ZC3H10: variants seen among roughly 807,000 people sequenced by gnomAD.
ZC3H10 encodes the protein zinc finger CCCH-type containing 10, also known as zinc finger CCCH domain-containing protein 10.
Under a neutral mutation model 24.3 loss-of-function variants are expected in ZC3H10, and 12 were observed. The observed-to-expected ratio is 0.49, with a 90% CI of 0.32 to 0.80. The LOEUF (loss-of-function observed/expected upper bound fraction) is 0.80. Among genes scored for constraint, ZC3H10 ranks in the 30% least tolerant of loss-of-function variants. The pLI, the probability that ZC3H10 is intolerant of heterozygous loss-of-function variation, is 0.04. For missense variants in ZC3H10, 360 were observed against 576.3 expected, an observed-to-expected ratio of 0.62 and a Z score of 3.84; for synonymous variants, 226 against 217.0, an observed-to-expected ratio of 1.04 and a Z score of -0.36.
At chr12:56,118,790 C>T (rs958492760) in intron 1 of ZC3H10, 7 of 152,230 alleles carry the variant, frequency 4.6e-5, no homozygotes, top group South Asian at 2.1e-4. Context: ...CCATTACTAA[C>T]TCCAGCCCTT....
rs1481250880 is a variant in ZC3H10, at chr12:56,126,574, A to G, written c.*4707A>G. On this transcript the variant is annotated 3_prime_UTR_variant, in exon 3 of 3. Coordinates refer to ENST00000257940, the MANE Select transcript of ZC3H10 (RefSeq NM_032786.3). ...CATAGGTCACCCTCTCCATTCCCCC[A>G]TTCTCAGGAACCTCCTTGCCTACTC... is the stretch of plus-strand genomic sequence containing the variant. 6.6e-6 allele frequency: 1 copy of G among 152,092 alleles called. No homozygotes were observed. The highest frequency in any genetic ancestry group is 1.9e-4 in the East Asian group (1 of 5,186). The allele number at this position is 152,092 out of a possible 1,614,324, so 9.4% of individuals were successfully genotyped here.
rs1045354105 is a variant in ZC3H10 at position 56,124,955 on chromosome 12, G to C, written c.*3088G>C. The C allele has an allele frequency of 6.6e-6, 1 of 152,134 alleles. No individual in the cohort carries two copies. Among genetic ancestry groups the C allele is most frequent in the Non-Finnish European group, 1.5e-5 (1 of 68,022 alleles). The allele number at this position is 152,134 out of a possible 1,614,324, so 9.4% of individuals were successfully genotyped here. On this transcript the variant is annotated 3_prime_UTR_variant, in exon 3 of 3. Transcript: ENST00000257940. ...TTTATTAAGAGCCTGCTATGTTCTA[G>C]GCATCTTTCTAGGAGCTCCATAAGG...
rs1870034108 is a variant in ZC3H10 at position 56,127,488 on chromosome 12, A to G, written c.*5621A>G. 6.6e-6 allele frequency: 1 copy of G among 152,194 alleles called. No individual in the cohort carries two copies. The highest frequency in any genetic ancestry group is 1.5e-5 in the Non-Finnish European group (1 of 68,040). The allele number at this position is 152,194 out of a possible 1,614,324, so 9.4% of individuals were successfully genotyped here. Reference sequence around the variant, plus strand: ...TTACTAACTCTTGGAAATTTCCAAAAAGAAATAAAGCCTCACTTTCTATTC... The same window carrying G: ...TTACTAACTCTTGGAAATTTCCAAAGAGAAATAAAGCCTCACTTTCTATTC... On this transcript the variant is annotated 3_prime_UTR_variant, in exon 3 of 3. Coordinates refer to ENST00000257940, the MANE Select transcript of ZC3H10 (RefSeq NM_032786.3).
Position 56,121,224 on chromosome 12 carries a change from A to G in ZC3H10, c.662A>G (p.His221Arg). The G allele has an allele frequency of 6.2e-7, 1 of 1,613,722 alleles. No individual in the cohort carries two copies. Residue 221 changes from histidine to arginine, a missense_variant, in exon 3 of 3, where the codon CAT becomes CGT. This residue lies in a region of ZC3H10 where 101 missense variants were observed against 110.8 expected (regional missense o/e 0.91). Coordinates refer to ENST00000257940, the MANE Select transcript of ZC3H10 (RefSeq NM_032786.3). This position sits in a 1 kb window ranked among gnomAD's most constrained non-coding sequence, Gnocchi z 6.2. ...GGATGCTGCCCCCCTGATGGCCCTC[A>G]TTTTGAGTCATATGAATATAGTTTG... ...RGGCCPPDGP[H>R]FESYEYSLAP...
rs1266907767 is a variant in ZC3H10, at chr12:56,123,466, G to C, written c.*1599G>C. The C allele has an allele frequency of 6.8e-6, 1 of 147,900 alleles. No homozygotes were observed. The highest frequency in any genetic ancestry group is 2.5e-5 in the African/African-American group (1 of 39,842). 9.2% of individuals were successfully genotyped at this position (147,900 alleles called of 1,614,324 possible). A position where few individuals can be genotyped will look rare whatever the true frequency, so the allele number is the denominator to read the frequency against. On this transcript the variant is annotated 3_prime_UTR_variant, in exon 3 of 3. Coordinates refer to ENST00000257940, the MANE Select transcript of ZC3H10 (RefSeq NM_032786.3). Reference sequence around the variant, plus strand: ...GAGATGGAGTCTTGCCCAGTCACCAGACCGGAGTGCAGTGGCGCAATCTCG... The same window carrying C: ...GAGATGGAGTCTTGCCCAGTCACCACACCGGAGTGCAGTGGCGCAATCTCG...
rs1870029399 is a variant in ZC3H10 at position 56,127,351 on chromosome 12, T to G, written c.*5484T>G. On this transcript the variant is annotated 3_prime_UTR_variant, in exon 3 of 3. Transcript: ENST00000257940. ...TTACTCTTGATCCCTCATTTTAGTG[T>G]CCTAGAAGTTCTTCAGGGTCAGAAA... 6.6e-6 allele frequency: 1 copy of G among 152,228 alleles called. No homozygotes were observed. The highest frequency in any genetic ancestry group is 1.5e-5 in the Non-Finnish European group (1 of 68,034). 9.4% of individuals were successfully genotyped at this position (152,228 alleles called of 1,614,324 possible).
chr12:56,121,960 A>AG lies in ZC3H10; in HGVS notation c.*96dup, dbSNP rs139984857. 466 of 1,404,666 alleles carry AG rather than the reference A, an allele frequency of 3.3e-4. 4 individuals are homozygous for AG. The African/African-American group carries it at 6.0e-3, about 18-fold the overall frequency. The allele number at this position is 1,404,666 out of a possible 1,614,324, so 87.0% of individuals were successfully genotyped here. On this transcript the variant is annotated 3_prime_UTR_variant, in exon 3 of 3. Coordinates refer to ENST00000257940, the MANE Select transcript of ZC3H10 (RefSeq NM_032786.3). The surrounding 1 kb of genome is among the most constrained non-coding windows in gnomAD (Gnocchi z 6.2). The stretch of plus-strand genomic sequence containing the variant: ...CCTAGCCTTCCCCATCCCTGTCTGA[A>AG]GGGCTCCCTTGAGAACTAGGACAAG...
rs1366033824 is a variant in ZC3H10, at chr12:56,126,861, T to A, written c.*4994T>A. On this transcript the variant is annotated 3_prime_UTR_variant, in exon 3 of 3. Transcript: ENST00000257940. ...AAGTAGAGAAAAGGAAGTGAAAAAATTTAAGTGATAGAGGCTGAGCAGGGA... is the reference window on the plus strand; with the variant it reads ...AAGTAGAGAAAAGGAAGTGAAAAAAATTAAGTGATAGAGGCTGAGCAGGGA... 6.6e-6 allele frequency: 1 copy of A among 152,134 alleles called. No homozygotes were observed. Among genetic ancestry groups the A allele is most frequent in the Non-Finnish European group, 1.5e-5 (1 of 68,032 alleles). The allele number at this position is 152,134 out of a possible 1,614,324, so 9.4% of individuals were successfully genotyped here.
chr12:56,124,944 G>A lies in ZC3H10; in HGVS notation c.*3077G>A, dbSNP rs1392436447. ...ATTTATAAATATTTATTAAGAGCCT[G>A]CTATGTTCTAGGCATCTTTCTAGGA... On this transcript the variant is annotated 3_prime_UTR_variant, in exon 3 of 3. Coordinates refer to ENST00000257940, the MANE Select transcript of ZC3H10 (RefSeq NM_032786.3). 2 of 152,202 alleles carry A rather than the reference G, an allele frequency of 1.3e-5. No individual in the cohort carries two copies. Among genetic ancestry groups the A allele is most frequent in the Admixed American group, 6.5e-5 (1 of 15,292 alleles). 9.4% of individuals were successfully genotyped at this position (152,202 alleles called of 1,614,324 possible). A position where few individuals can be genotyped will look rare whatever the true frequency, so the allele number is the denominator to read the frequency against.
At position 56,125,785 on chromosome 12, in the gene ZC3H10, ATT is replaced by A. The variant is rs11354732; in HGVS notation, c.*3935_*3936del. 139 of 136,042 alleles carry A rather than the reference ATT, an allele frequency of 1.0e-3. No homozygotes were observed. The highest frequency in any genetic ancestry group is 5.2e-3 in the South Asian group (22 of 4,258). The allele number at this position is 136,042 out of a possible 1,614,324, so 8.4% of individuals were successfully genotyped here. Reference sequence around the variant, plus strand: ...ACAAAGCGATCACTACTTGGCAGTAATTTTTTTTTTTTTTTTTTGAGACGGAG... The same window carrying A: ...ACAAAGCGATCACTACTTGGCAGTAATTTTTTTTTTTTTTTTGAGACGGAG... On this transcript the variant is annotated 3_prime_UTR_variant, in exon 3 of 3. Transcript: ENST00000257940.
At position 56,121,684 on chromosome 12, in the gene ZC3H10, C is replaced by T; in HGVS notation, c.1122C>T (p.Ala374=). ...PLSAALAQTI[A]QGMAPPPVSM... ...CAGCTGCCCTGGCTCAAACAATTGC[C>T]CAGGGAATGGCACCTCCACCTGTCT... The change falls in exon 3 of 3, where the codon GCC becomes GCT. Residue 374 remains alanine (A), a synonymous_variant. Coordinates refer to ENST00000257940, the MANE Select transcript of ZC3H10 (RefSeq NM_032786.3). This position sits in a 1 kb window ranked among gnomAD's most constrained non-coding sequence, Gnocchi z 6.2. The T allele has an allele frequency of 1.2e-6, 2 of 1,614,050 alleles. No homozygotes were observed. Among genetic ancestry groups the T allele is most frequent in the Non-Finnish European group, 1.7e-6 (2 of 1,179,988 alleles).
rs773590176 is a variant in ZC3H10, at chr12:56,121,207, C to T, written c.645C>T (p.Cys215=). 21 of 1,613,686 alleles carry T rather than the reference C, an allele frequency of 1.3e-5. No individual in the cohort carries two copies. The highest frequency in any genetic ancestry group is 1.7e-5 in the Admixed American group (1 of 59,998). The change falls in exon 3 of 3, where the codon TGC becomes TGT. Residue 215 remains cysteine, a synonymous_variant. Transcript: ENST00000257940. The surrounding 1 kb of genome is among the most constrained non-coding windows in gnomAD (Gnocchi z 6.2). ...PGPKRRRGGC[C]PPDGPHFESY... ...CAAAACGCCGGCGAGGTGGATGCTG[C>T]CCCCCTGATGGCCCTCATTTTGAGT...
Position 56,120,383 on chromosome 12 carries a change from C to T in ZC3H10, c.-52-128C>T, listed in dbSNP as rs910112739. ...GCTTTTGATGAGTCAGACATTTCAGCCAGAATTCTTATCCCTTAGATTCTC... is the reference window on the plus strand; with the variant it reads ...GCTTTTGATGAGTCAGACATTTCAGTCAGAATTCTTATCCCTTAGATTCTC... On this transcript the variant is annotated intron_variant, in intron 2 of 2. Coordinates refer to ENST00000257940, the MANE Select transcript of ZC3H10 (RefSeq NM_032786.3). 5.2e-6 allele frequency: 7 copies of T among 1,348,034 alleles called. No homozygotes were observed. In the African/African-American group the frequency reaches 1.0e-4, roughly 20 times the overall value. The allele number at this position is 1,348,034 out of a possible 1,614,324, so 83.5% of individuals were successfully genotyped here.
In ZC3H10 at chr12:56,124,247, A is replaced by C. The variant is rs1229948965; in HGVS notation, c.*2380A>C. 6.6e-6 allele frequency: 1 copy of C among 152,224 alleles called. No individual in the cohort carries two copies. The highest frequency in any genetic ancestry group is 1.5e-5 in the Non-Finnish European group (1 of 68,030). The allele number at this position is 152,224 out of a possible 1,614,324, so 9.4% of individuals were successfully genotyped here. ...TGACCTTGTTTTGTGCTTAAACAAAATTGTGTAGTGATTTTGTTTTTTGTC... is the reference window on the plus strand; with the variant it reads ...TGACCTTGTTTTGTGCTTAAACAAACTTGTGTAGTGATTTTGTTTTTTGTC... On this transcript the variant is annotated 3_prime_UTR_variant, in exon 3 of 3. Transcript: ENST00000257940.
rs1357286521 is a variant in ZC3H10, at chr12:56,126,094, C to G, written c.*4227C>G. 6.6e-6 allele frequency: 1 copy of G among 152,204 alleles called. No homozygotes were observed. Among genetic ancestry groups the G allele is most frequent in the Non-Finnish European group, 1.5e-5 (1 of 68,072 alleles). 9.4% of individuals were successfully genotyped at this position (152,204 alleles called of 1,614,324 possible). ...GCATGAGCCACCGCGACTGGCTTGG[C>G]AGTAACTTTTGAGGAATAAAGAATA... On this transcript the variant is annotated 3_prime_UTR_variant, in exon 3 of 3. Coordinates refer to ENST00000257940, the MANE Select transcript of ZC3H10 (RefSeq NM_032786.3).
At chr12:56,118,745 C>A (rs527706983) in intron 1 of ZC3H10, 9 of 152,390 alleles carry the variant, frequency 5.9e-5, no homozygotes, top group African/African-American at 2.2e-4. Context: ...TCCCAATGCA[C>A]TGTCAGACGC....
rs1031393246 is a variant in ZC3H10 at position 56,124,038 on chromosome 12, T to G, written c.*2171T>G. 1 of 152,172 alleles carries G rather than the reference T, an allele frequency of 6.6e-6. No homozygotes were observed. The highest frequency in any genetic ancestry group is 2.4e-5 in the African/African-American group (1 of 41,440). The allele number at this position is 152,172 out of a possible 1,614,324, so 9.4% of individuals were successfully genotyped here. Reference sequence around the variant, plus strand: ...CGACTTAGAGAACTTAGACTTTGGTTAAGTGATTTTGGGGAAGATTCAAGA... The same window carrying G: ...CGACTTAGAGAACTTAGACTTTGGTGAAGTGATTTTGGGGAAGATTCAAGA... On this transcript the variant is annotated 3_prime_UTR_variant, in exon 3 of 3. Transcript: ENST00000257940.
At position 56,121,262 on chromosome 12, in the gene ZC3H10, G is replaced by C. The variant is rs1368840520; in HGVS notation, c.700G>C (p.Gly234Arg). 2 of 1,613,358 alleles carry C rather than the reference G, an allele frequency of 1.2e-6. No individual in the cohort carries two copies. The highest frequency in any genetic ancestry group is 1.7e-6 in the Non-Finnish European group (2 of 1,180,024). Reference sequence around the variant, plus strand: ...TGAATATAGTTTGGCTCCACCGCGAGGGGTGGAGTGCAGACTGCTAGAGGA... The same window carrying C: ...TGAATATAGTTTGGCTCCACCGCGACGGGTGGAGTGCAGACTGCTAGAGGA... ...SYEYSLAPPR[G>R]VECRLLEEEN... The change falls in exon 3 of 3, where the codon GGG becomes CGG. Residue 234 changes from glycine (G) to arginine (R), a missense_variant. By Grantham distance (125) the Gly-to-Arg change is moderately radical. Around this residue, in one of 3 missense-constraint regions of ZC3H10, gnomAD observed 101 missense variants for 110.8 expected, o/e 0.91. Coordinates refer to ENST00000257940, the MANE Select transcript of ZC3H10 (RefSeq NM_032786.3). This position sits in a 1 kb window ranked among gnomAD's most constrained non-coding sequence, Gnocchi z 6.2.
rs11171746 is a variant in ZC3H10 at position 56,122,372 on chromosome 12, A to G, written c.*505A>G. On this transcript the variant is annotated 3_prime_UTR_variant, in exon 3 of 3. Coordinates refer to ENST00000257940, the MANE Select transcript of ZC3H10 (RefSeq NM_032786.3). ...AGGAATTGCTTCTGGGCCCTGGGAA[A>G]GCTGGGACCATAGTGCTCCAGCCCA... 0.026 allele frequency: 4,389 copies of G among 169,124 alleles called. 111 individuals carry two copies. The highest frequency in any genetic ancestry group is 0.057 in the African/African-American group (2,357 of 41,604). 10.5% of individuals were successfully genotyped at this position (169,124 alleles called of 1,614,324 possible). A position where few individuals can be genotyped will look rare whatever the true frequency, so the allele number is the denominator to read the frequency against.
Sources: gnomAD v4.1 joint callset for allele counts on GRCh38, gnomAD v4.1.1 for gene constraint, gnomAD v4.1.1 regional missense constraint, Gnocchi (gnomAD v3.1) non-coding constraint, MANE v1.5 for transcripts, NCBI Gene and HGNC (gene_info 2026-07-23, HGNC 2026-07-21) for gene names.